CNTNAP5: variants seen among roughly 807,000 people sequenced by gnomAD.
CNTNAP5 encodes contactin-associated protein-like 5.
CNTNAP5 carries 72 observed loss-of-function variants against 150.2 expected under a neutral mutation model. The observed-to-expected ratio is 0.48, with a 90% CI of 0.40 to 0.58. CNTNAP5 has a LOEUF of 0.58. CNTNAP5 is among the 20% of genes least tolerant of loss of function. The pLI, the probability that CNTNAP5 is intolerant of heterozygous loss-of-function variation, is 0.00. For missense variants in CNTNAP5, 1,636 were observed against 1,626.2 expected (o/e 1.01, Z -0.10); for synonymous variants, 672 against 619.8 (o/e 1.08, Z -1.25).
At chr2:124,811,800 G>C in intron 19 of CNTNAP5, among the ~76,000 whole-genome samples, 1 of 149,282 alleles carries the variant, frequency 6.7e-6, no homozygotes, top group East Asian at 2.0e-4. Flanking sequence ...AAGTTAGCTG[G>C]GCGTGGTGTC....
chr2:124,486,682 G>T (rs1051251735), intron 7 of CNTNAP5, among the ~76,000 whole-genome samples: 4 of 152,172 alleles, frequency 2.6e-5, no homozygotes, highest in Non-Finnish European at 5.9e-5. Context: ...TGCAATACCA[G>T]CATGTCTCAC....
intron 3 of CNTNAP5, among the ~76,000 whole-genome samples, chr2:124,327,823 T>C (rs2104676420): frequency 6.6e-6 from 1 of 152,294 alleles, no homozygotes; most frequent in African/African-American, 2.4e-5. Flanking sequence ...AAAAGCAAGC[T>C]GTACCCCAAC....
chr2:124,440,382 T>A (rs1692644056), intron 5 of CNTNAP5, among the ~76,000 whole-genome samples: 1 of 152,116 alleles, frequency 6.6e-6, no homozygotes, highest in South Asian at 2.1e-4. Context: ...ACATGAGAGT[T>A]CCCATCCCCT....
chr2:124,554,738 GAA>G (rs1292926983), intron 10 of CNTNAP5, among the ~76,000 whole-genome samples: 2 of 152,076 alleles, frequency 1.3e-5, no homozygotes, highest in Non-Finnish European at 1.5e-5. Flanking sequence ...ATTTTAAAGT[GAA>G]GTTTACAAGA....
intron 11 of CNTNAP5, among the ~76,000 whole-genome samples, chr2:124,589,849 G>A (rs1028849206): frequency 1.4e-4 from 21 of 152,160 alleles, no homozygotes; most frequent in African/African-American, 5.1e-4. Context: ...GTTTCATCAT[G>A]AGGATTCCTC....
chr2:124,084,019 A>G (rs962487531), intron 1 of CNTNAP5, among the ~76,000 whole-genome samples: 2 of 145,650 alleles, frequency 1.4e-5, no homozygotes, highest in Admixed American at 1.4e-4. Flanking sequence ...ATTCATGGAC[A>G]CTGTGTATCT....
chr2:124,633,375 G>T (rs778947370), intron 12 of CNTNAP5, among the ~76,000 whole-genome samples: 1 of 152,182 alleles, frequency 6.6e-6, no homozygotes, highest in Non-Finnish European at 1.5e-5. Context: ...AAGAAAGGGG[G>T]TACAGGCACC....
At chr2:124,417,813 A>G (rs1361861773) in intron 4 of CNTNAP5, among the ~76,000 whole-genome samples, 1 of 152,218 alleles carries the variant, frequency 6.6e-6, no homozygotes, top group Non-Finnish European at 1.5e-5. Flanking sequence ...GCTCAATGAA[A>G]CATTCAAAAT....
rs543811193 is a variant in CNTNAP5 at position 124,245,970 on chromosome 2, C to T, written c.381+3577C>T. On this transcript the variant is annotated intron_variant, in intron 3 of 23. Transcript: ENST00000682447. Reference sequence around the variant, plus strand: ...ATGTTGCCCAGGCTGGTCTCCAACTCGTAGGCCCAAGTGATCCTCCCACCA... The same window carrying T: ...ATGTTGCCCAGGCTGGTCTCCAACTTGTAGGCCCAAGTGATCCTCCCACCA... Among the ~76,000 whole-genome samples, 7 of 152,074 alleles carry T rather than the reference C, an allele frequency of 4.6e-5. 1 individual carries two copies. The South Asian group carries it at 1.5e-3, about 32-fold the overall frequency.
intron 1 of CNTNAP5, among the ~76,000 whole-genome samples, chr2:124,124,961 G>A (rs1017573892): frequency 6.6e-6 from 1 of 152,168 alleles, no homozygotes; most frequent in African/African-American, 2.4e-5. Flanking sequence ...GCAAAAACAT[G>A]CCAAATTGTA....
chr2:124,319,852 A>G (rs1438411882), intron 3 of CNTNAP5, among the ~76,000 whole-genome samples: 1 of 152,222 alleles, frequency 6.6e-6, no homozygotes, highest in Non-Finnish European at 1.5e-5. Flanking sequence ...CTAGGTGGCC[A>G]GTGCAACGTG....
chr2:124,858,451 C>T (rs1677432151), intron 19 of CNTNAP5, among the ~76,000 whole-genome samples: 1 of 152,194 alleles, frequency 6.6e-6, no homozygotes, highest in Non-Finnish European at 1.5e-5. Flanking sequence ...CTCCCATCCA[C>T]AATTGCTTCA....
At chr2:124,847,563 C>T (rs149009020) in intron 19 of CNTNAP5, among the ~76,000 whole-genome samples, 1,618 of 152,200 alleles carry the variant, frequency 0.011, 18 homozygotes, top group Non-Finnish European at 0.018. Context: ...GAAAGCAAGC[C>T]GACTTACAGG....
Position 124,786,438 on chromosome 2 carries a change from GGAAGGAAGGAAA to G in CNTNAP5, c.2753-3460_2753-3449del, listed in dbSNP as rs1294915360. 5.5e-3 allele frequency among the ~76,000 whole-genome samples: 516 copies of G among 94,072 alleles called. 6 individuals carry two copies. Among genetic ancestry groups the G allele is most frequent in the Non-Finnish European group, 7.3e-3 (370 of 50,726 alleles). 61.7% of individuals were successfully genotyped at this position (94,072 alleles called of 152,430 possible). Reference sequence around the variant, plus strand: ...AGGAAGGAAGGAAGGAAGGAAGGAAGGAAGGAAGGAAAGAAAGAAAGAAAGAAAGGAAGGAAG... The same window carrying G: ...AGGAAGGAAGGAAGGAAGGAAGGAAGGAAAGAAAGAAAGAAAGGAAGGAAG... On this transcript the variant is annotated intron_variant, in intron 17 of 23. Transcript: ENST00000682447.
chr2:124,378,996 TC>T (rs1690722652), intron 3 of CNTNAP5, among the ~76,000 whole-genome samples: 1 of 152,136 alleles, frequency 6.6e-6, no homozygotes, highest in African/African-American at 2.4e-5. Flanking sequence ...TAATTTTTTT[TC>T]TAATTATTTT....
chr2:124,616,870 C>G (rs2104991698), intron 12 of CNTNAP5, among the ~76,000 whole-genome samples: 1 of 152,176 alleles, frequency 6.6e-6, no homozygotes, highest in Admixed American at 6.5e-5. Context: ...AGTCAGAACA[C>G]ACAATATTGG....
intron 19 of CNTNAP5, among the ~76,000 whole-genome samples, chr2:124,857,173 C>G (rs924743651): frequency 3.3e-5 from 5 of 152,122 alleles, no homozygotes; most frequent in African/African-American, 1.2e-4. Context: ...ATAAGTACCC[C>G]TCCCACTTCA....
At chr2:124,184,989 G>A (rs1052374851) in intron 1 of CNTNAP5, among the ~76,000 whole-genome samples, 5 of 152,176 alleles carry the variant, frequency 3.3e-5, no homozygotes, top group African/African-American at 7.2e-5. Context: ...CCATATTCGT[G>A]TTTGTATAAT....
At chr2:124,727,049 C>T (rs1489371620) in intron 13 of CNTNAP5, among the ~76,000 whole-genome samples, 1 of 151,968 alleles carries the variant, frequency 6.6e-6, no homozygotes, top group Admixed American at 6.6e-5. Flanking sequence ...TATTTTTCTG[C>T]ATGTGGATAC....
Sources: gnomAD v4.1 joint callset for allele counts (sites outside exome capture counted in the v4.1 genomes callset) on GRCh38, gnomAD v4.1.1 for gene constraint, MANE v1.5 for transcripts, NCBI Gene and HGNC (gene_info 2026-07-23, HGNC 2026-07-21) for gene names.